Variants in TMTC2 observed in about 807,000 individuals in gnomAD.
TMTC2 encodes the protein protein O-mannosyl-transferase TMTC2.
A neutral mutation model predicts 82.4 loss-of-function variants in TMTC2; 43 were observed. The ratio of observed to expected loss-of-function variants is 0.52; its 90% CI spans 0.41 to 0.67. TMTC2 has a LOEUF of 0.67. Ranked by LOEUF, TMTC2 falls within the 30% of genes least tolerant of loss-of-function variation. TMTC2 has a pLI of 0.00. For synonymous variants in TMTC2, 408 were observed against 381.9 expected, an observed-to-expected ratio of 1.07 and a Z score of -0.80; for missense variants, 919 against 1,012.4, an observed-to-expected ratio of 0.91 and a Z score of 1.25.
chr12:82,833,258 A>G (rs1869846600), intron 1 of TMTC2, among the ~76,000 whole-genome samples: 1 of 152,224 alleles, frequency 6.6e-6, no homozygotes, highest in African/African-American at 2.4e-5. Context: ...CAGCTGGACA[A>G]ACATTTATCA....
intron 1 of TMTC2, among the ~76,000 whole-genome samples, chr12:82,789,994 CT>C (rs1171487879): frequency 6.6e-6 from 1 of 151,964 alleles, no homozygotes; most frequent in Admixed American, 6.6e-5. Flanking sequence ...AGGATGATTC[CT>C]TGAGGCAAGG....
At chr12:82,823,916 C>G (rs1219195289) in intron 1 of TMTC2, among the ~76,000 whole-genome samples, 1 of 140,004 alleles carries the variant, frequency 7.1e-6, no homozygotes, top group African/African-American at 2.8e-5. Flanking sequence ...TTTTTTGAGA[C>G]GGAGTCTCGC....
chr12:83,112,702 A>G (rs1884635983), intron 11 of TMTC2, among the ~76,000 whole-genome samples: 1 of 152,196 alleles, frequency 6.6e-6, no homozygotes, highest in Non-Finnish European at 1.5e-5. Context: ...AAAGAATTGA[A>G]AAGATGTCCC....
chr12:82,696,964 G>GTGTATA (rs374532592), intron 1 of TMTC2, among the ~76,000 whole-genome samples: 6 of 141,514 alleles, frequency 4.2e-5, no homozygotes, highest in Non-Finnish European at 9.1e-5. Context: ...ACATACATAC[G>GTGTATA]TATATATATA....
At chr12:83,101,799 T>C (rs1314189712) in intron 11 of TMTC2, among the ~76,000 whole-genome samples, 1 of 152,072 alleles carries the variant, frequency 6.6e-6, no homozygotes, top group Non-Finnish European at 1.5e-5. Flanking sequence ...AATATAAAAG[T>C]AGTAAACAAA....
At chr12:83,061,713 C>T in intron 10 of TMTC2, 55 bp from the exon 11 acceptor site, 1 of 1,434,468 alleles carries the variant, frequency 7.0e-7, no homozygotes, top group South Asian at 1.4e-5. Context: ...CACAGTGATC[C>T]TATTTGTAAT....
At chr12:82,792,023 G>GT (rs1202856395) in intron 1 of TMTC2, among the ~76,000 whole-genome samples, 1 of 152,118 alleles carries the variant, frequency 6.6e-6, no homozygotes, top group Non-Finnish European at 1.5e-5. Flanking sequence ...AATCAAGAGT[G>GT]TTTTTTCTTA....
chr12:82,889,853 A>G (rs7960995), intron 2 of TMTC2, among the ~76,000 whole-genome samples: 61,821 of 151,850 alleles, frequency 0.41, 12,666 homozygotes, highest in Middle Eastern at 0.49. Flanking sequence ...ACATATGGCT[A>G]TACCATGATT....
Position 82,989,570 on chromosome 12 carries a change from C to A in TMTC2, c.2070+3524C>A, listed in dbSNP as rs537879173. On this transcript the variant is annotated intron_variant, in intron 8 of 11. Coordinates refer to ENST00000321196, the MANE Select transcript of TMTC2 (RefSeq NM_152588.3). ...ATTCATTGCCCACCTGCACCCCCCCCAAAAAAAAGTTAGAAAAGAAAAAAA... is the reference window on the plus strand; with the variant it reads ...ATTCATTGCCCACCTGCACCCCCCCAAAAAAAAAGTTAGAAAAGAAAAAAA... Among the ~76,000 whole-genome samples the A allele has an allele frequency of 7.6e-3, 1,137 of 150,374 alleles. 3 individuals carry two copies. Among genetic ancestry groups the A allele is most frequent in the Middle Eastern group, 0.01 (3 of 292 alleles).
At chr12:82,997,348 G>A (rs35386947) in intron 8 of TMTC2, among the ~76,000 whole-genome samples, 2,470 of 21,806 alleles carry the variant, frequency 0.11, 326 homozygotes, top group African/African-American at 0.25. Context: ...GTGTGTGTGT[G>A]TATATATATA....
rs142623474 is a variant in TMTC2, at chr12:83,011,298, C to T, written c.2071-19500C>T. ...CCTGGCTTGTTCAACTACTTATTAG[C>T]TCTGTGATTTGGGGCAAGTTATTTA... On this transcript the variant is annotated intron_variant, in intron 8 of 11. Coordinates refer to ENST00000321196, the MANE Select transcript of TMTC2 (RefSeq NM_152588.3). Among the ~76,000 whole-genome samples, 641 of 152,260 alleles carry T rather than the reference C, an allele frequency of 4.2e-3. 2 individuals carry two copies. The highest frequency in any genetic ancestry group is 0.015 in the African/African-American group (607 of 41,554).
intron 1 of TMTC2, among the ~76,000 whole-genome samples, chr12:82,716,511 G>A (rs930431931): frequency 1.3e-5 from 2 of 151,070 alleles, no homozygotes; most frequent in Non-Finnish European, 2.9e-5. Flanking sequence ...CTACAGGCGC[G>A]CGCCACCATG....
chr12:82,693,139 TGA>T (rs1872647430), intron 1 of TMTC2, among the ~76,000 whole-genome samples: 1 of 152,266 alleles, frequency 6.6e-6, no homozygotes. Flanking sequence ...GGTTTGAATC[TGA>T]GAGTCTAATG....
chr12:82,814,496 T>C (rs1483250992), intron 1 of TMTC2, among the ~76,000 whole-genome samples: 1 of 152,124 alleles, frequency 6.6e-6, no homozygotes, highest in Non-Finnish European at 1.5e-5. Context: ...AATGAATGTA[T>C]GTTGTTAGTT....
intron 4 of TMTC2, among the ~76,000 whole-genome samples, chr12:82,955,828 A>G (rs979509215): frequency 6.6e-6 from 1 of 152,156 alleles, no homozygotes; most frequent in Admixed American, 6.6e-5. Flanking sequence ...AAATCTGAGA[A>G]GTAAAATATT....
chr12:82,942,974 T>G (rs2137265193), intron 4 of TMTC2, among the ~76,000 whole-genome samples: 1 of 152,312 alleles, frequency 6.6e-6, no homozygotes, highest in African/African-American at 2.4e-5. Flanking sequence ...CATTCATTGG[T>G]TTCAGTAAGT....
At chr12:82,975,180 A>G (rs1420064947) in intron 7 of TMTC2, among the ~76,000 whole-genome samples, 1 of 152,158 alleles carries the variant, frequency 6.6e-6, no homozygotes, top group Non-Finnish European at 1.5e-5. Flanking sequence ...ATTTTGGGGT[A>G]TTGTGTTCAG....
intron 11 of TMTC2, among the ~76,000 whole-genome samples, chr12:83,064,367 T>G (rs1451875886): frequency 6.6e-6 from 1 of 151,964 alleles, no homozygotes; most frequent in Admixed American, 6.6e-5. Flanking sequence ...AAAATGTTTC[T>G]TCATAAAACC....
chr12:83,054,747 G>T (rs986270994), intron 10 of TMTC2, among the ~76,000 whole-genome samples: 1 of 151,500 alleles, frequency 6.6e-6, no homozygotes, highest in African/African-American at 2.4e-5. Flanking sequence ...ATGTTAATAA[G>T]AACAGAATTT....
Sources: gnomAD v4.1 joint callset for allele counts (sites outside exome capture counted in the v4.1 genomes callset) on GRCh38, gnomAD v4.1.1 for gene constraint, MANE v1.5 for transcripts, NCBI Gene and HGNC (gene_info 2026-07-23, HGNC 2026-07-21) for gene names.